Variants in BAIAP2L1 observed in about 807,000 individuals in gnomAD.
BAIAP2L1 encodes BAR/IMD domain-containing adapter protein 2-like 1.
A neutral mutation model predicts 66.3 loss-of-function variants in BAIAP2L1; 35 were observed. That is an observed-to-expected ratio of 0.53 (90% CI 0.40 to 0.70). The LOEUF (loss-of-function observed/expected upper bound fraction) is 0.70. Ranked by LOEUF, BAIAP2L1 falls within the 30% of genes least tolerant of loss-of-function variation. The pLI, the probability that BAIAP2L1 is intolerant of heterozygous loss-of-function variation, is 0.00. For missense variants in BAIAP2L1, 622 were observed against 656.9 expected, an observed-to-expected ratio of 0.95 and a Z score of 0.58; for synonymous variants, 269 against 248.7, an observed-to-expected ratio of 1.08 and a Z score of -0.77.
In BAIAP2L1 at chr7:98,292,995, A is replaced by G. The variant is rs772199491; in HGVS notation, c.*526T>C. ...GTTTCTCCATCTCTGGAAGCTCTAC[A>G]CTTAAACATTTTAAGTTAAATTACA... On this transcript the variant is annotated 3_prime_UTR_variant, in exon 14 of 14. Coordinates refer to ENST00000005260, the MANE Select transcript of BAIAP2L1 (RefSeq NM_018842.5). 11 of 1,156,646 alleles carry G rather than the reference A, an allele frequency of 9.5e-6. No individual in the cohort carries two copies. Among genetic ancestry groups the G allele is most frequent in the Non-Finnish European group, 1.2e-5 (11 of 936,072 alleles). 71.6% of individuals were successfully genotyped at this position (1,156,646 alleles called of 1,614,324 possible).
At chr7:98,376,224 C>T (rs2115783269) in intron 1 of BAIAP2L1, among the ~76,000 whole-genome samples, 1 of 152,192 alleles carries the variant, frequency 6.6e-6, no homozygotes, top group East Asian at 1.9e-4. Flanking sequence ...CTAATCTAGG[C>T]TAGGCACGGG....
In BAIAP2L1 at chr7:98,387,544, G is replaced by A. The variant is rs141936369; in HGVS notation, c.51+13258C>T. On this transcript the variant is annotated intron_variant, in intron 1 of 13. Transcript: ENST00000005260. ...CAAAATTCTTGAGTTCTTACTATGC[G>A]CCACCACGATAAGGGATTAAATAAA... Among the ~76,000 whole-genome samples, 65 of 152,136 alleles carry A rather than the reference G, an allele frequency of 4.3e-4. 1 individual carries two copies. Among genetic ancestry groups the A allele is most frequent in the African/African-American group, 1.5e-3 (62 of 41,518 alleles).
chr7:98,330,378 C>G (rs1367002197), intron 3 of BAIAP2L1, among the ~76,000 whole-genome samples: 1 of 152,098 alleles, frequency 6.6e-6, no homozygotes. Context: ...GAGGTTTAGG[C>G]CAGGCGTGGT....
At chr7:98,323,893 T>C (rs1040524377) in intron 3 of BAIAP2L1, among the ~76,000 whole-genome samples, 2 of 152,238 alleles carry the variant, frequency 1.3e-5, no homozygotes, top group African/African-American at 4.8e-5. Context: ...ACACCCTTTA[T>C]GTTCAATCTG....
intron 2 of BAIAP2L1, among the ~76,000 whole-genome samples, chr7:98,360,080 T>C (rs1391541123): frequency 6.6e-6 from 1 of 151,776 alleles, no homozygotes; most frequent in Admixed American, 6.6e-5. Flanking sequence ...GTGCCACCAC[T>C]CCCGGCTAAA....
At chr7:98,352,081 C>T (rs927121914) in intron 3 of BAIAP2L1, among the ~76,000 whole-genome samples, 2 of 148,010 alleles carry the variant, frequency 1.4e-5, no homozygotes, top group African/African-American at 2.5e-5. Context: ...TATCTTTGGT[C>T]TTTTTTTTTT....
At chr7:98,297,818 G>T (rs1287201030) in intron 12 of BAIAP2L1, among the ~76,000 whole-genome samples, 1 of 152,242 alleles carries the variant, frequency 6.6e-6, no homozygotes, top group Non-Finnish European at 1.5e-5. Flanking sequence ...CTCACGCCAC[G>T]TGAGGGCGCG....
chr7:98,322,092 T>C (rs1801264353), intron 3 of BAIAP2L1, among the ~76,000 whole-genome samples: 1 of 151,828 alleles, frequency 6.6e-6, no homozygotes, highest in South Asian at 2.1e-4. Flanking sequence ...TGAGACCCTG[T>C]CTCCCCGCCC....
chr7:98,304,270 C>T lies in BAIAP2L1; in HGVS notation c.1348G>A (p.Asp450Asn), dbSNP rs199846779. ...GTCCTGGCCGAATCTGCTCTCCTGTCGGCAGCTGCCCCCATGGACAAGCAT... is the reference window on the plus strand; with the variant it reads ...GTCCTGGCCGAATCTGCTCTCCTGTTGGCAGCTGCCCCCATGGACAAGCAT... ...LECLSMGAAA[D>N]RRADSARTTS... Residue 450 changes from aspartate to asparagine, a missense_variant, in exon 12 of 14, where the codon GAC (aspartate) becomes AAC (asparagine). By Grantham distance (23) the Asp-to-Asn change is conservative. Coordinates refer to ENST00000005260, the MANE Select transcript of BAIAP2L1 (RefSeq NM_018842.5). 9.4e-5 allele frequency: 152 copies of T among 1,613,588 alleles called. No homozygotes were observed. In the Middle Eastern group the frequency reaches 9.9e-4, roughly 11 times the overall value.
rs1440056327 is a variant in BAIAP2L1 at position 98,370,720 on chromosome 7, C to CCAGG, written c.52-8289_52-8288insCCTG. Among the ~76,000 whole-genome samples, 1,319 of 152,118 alleles carry CCAGG rather than the reference C, an allele frequency of 8.7e-3. 19 individuals are homozygous for CCAGG. Among genetic ancestry groups the CCAGG allele is most frequent in the African/African-American group, 0.03 (1,255 of 41,504 alleles). Reference sequence around the variant, plus strand: ...GTTTCACCATGTTAGCCAGGATGGTCTCGATCTCCTGACCTCATGATCCGT... The same window carrying CCAGG: ...GTTTCACCATGTTAGCCAGGATGGTCCAGGTCGATCTCCTGACCTCATGATCCGT... On this transcript the variant is annotated intron_variant, in intron 1 of 13. Transcript: ENST00000005260.
chr7:98,307,686 T>TA lies in BAIAP2L1; in HGVS notation c.1163+2dup. The TA allele has an allele frequency of 6.2e-7, 1 of 1,613,770 alleles. No individual in the cohort carries two copies. The highest frequency in any genetic ancestry group is 8.5e-7 in the Non-Finnish European group (1 of 1,180,042). ...CTGCGGGGACCATCACGCCCAGACT[T>TA]ACGCCTTGGACACGTCGTGTTCTCC... On this transcript the variant is annotated splice_region_variant and intron_variant, in intron 10 of 13. Coordinates refer to ENST00000005260, the MANE Select transcript of BAIAP2L1 (RefSeq NM_018842.5).
intron 3 of BAIAP2L1, among the ~76,000 whole-genome samples, chr7:98,326,427 C>G (rs1029632074): frequency 2.0e-5 from 3 of 152,144 alleles, no homozygotes; most frequent in African/African-American, 7.2e-5. Context: ...CAATGTCTTA[C>G]AAGGAGACAT....
At chr7:98,397,193 A>G (rs1333231913) in intron 1 of BAIAP2L1, among the ~76,000 whole-genome samples, 1 of 151,768 alleles carries the variant, frequency 6.6e-6, no homozygotes, top group African/African-American at 2.4e-5. Context: ...GAGTCTGAGC[A>G]TACTTCCTTG....
At chr7:98,306,310 A>T in intron 11 of BAIAP2L1, 129 bp downstream of exon 11, 1 of 1,125,814 alleles carries the variant, frequency 8.9e-7, no homozygotes, top group Non-Finnish European at 1.3e-6. Context: ...CCGCGGTCTC[A>T]TCTCTGACTA....
chr7:98,307,894 T>C lies in BAIAP2L1; in HGVS notation c.958A>G (p.Thr320Ala), dbSNP rs1453082670. 6.2e-7 allele frequency: 1 copy of C among 1,614,200 alleles called. No homozygotes were observed. The highest frequency in any genetic ancestry group is 1.1e-5 in the South Asian group (1 of 91,088). The change falls in exon 10 of 14, where the codon ACT becomes GCT. Residue 320 changes from threonine (T) to alanine (A), a missense_variant and splice_region_variant. Physicochemically the swap from Thr to Ala is moderately conservative, Grantham distance 58. Transcript: ENST00000005260. ...NSQRVNNSTG[T>A]SEDPSLQRSV... ...CGCTGTAAACTGGGATCTTCGGAAGTACCTGTTGGAGGGAGTGTAGCAGTA... is the reference window on the plus strand; with the variant it reads ...CGCTGTAAACTGGGATCTTCGGAAGCACCTGTTGGAGGGAGTGTAGCAGTA...
Position 98,400,974 on chromosome 7 carries a change from A to G in BAIAP2L1, c.-122T>C. The G allele has an allele frequency of 1.1e-6, 1 of 900,802 alleles. No individual in the cohort carries two copies. Among genetic ancestry groups the G allele is most frequent in the Non-Finnish European group, 1.5e-6 (1 of 668,588 alleles). 55.8% of individuals were successfully genotyped at this position (900,802 alleles called of 1,614,324 possible). A position where few individuals can be genotyped will look rare whatever the true frequency, so the allele number is the denominator to read the frequency against. ...GCTCTGGAGGGTCGGCCGCCGCCGC[A>G]GCCGTCGGCCCGAGAGTGCCCGCGC... On this transcript the variant is annotated 5_prime_UTR_variant, in exon 1 of 14. Coordinates refer to ENST00000005260, the MANE Select transcript of BAIAP2L1 (RefSeq NM_018842.5).
intron 5 of BAIAP2L1, among the ~76,000 whole-genome samples, chr7:98,318,561 G>A (rs980969904): frequency 2.0e-5 from 3 of 151,910 alleles, no homozygotes. Context: ...TTACAGGCGT[G>A]AGCCACCACG....
At chr7:98,384,926 C>A (rs1307025645) in intron 1 of BAIAP2L1, among the ~76,000 whole-genome samples, 1 of 151,996 alleles carries the variant, frequency 6.6e-6, no homozygotes. Flanking sequence ...GCTGAACTCC[C>A]GAACTCAGGT....
chr7:98,332,161 T>A (rs1388699093), intron 3 of BAIAP2L1, among the ~76,000 whole-genome samples: 1 of 150,110 alleles, frequency 6.7e-6, no homozygotes, highest in Non-Finnish European at 1.5e-5. Context: ...GGCGGGTGGA[T>A]CACTTGAGGC....
Sources: gnomAD v4.1 joint callset for allele counts (sites outside exome capture counted in the v4.1 genomes callset) on GRCh38, gnomAD v4.1.1 for gene constraint, MANE v1.5 for transcripts, NCBI Gene and HGNC (gene_info 2026-07-23, HGNC 2026-07-21) for gene names.